The following TIPARP variants were observed in gnomAD, a reference collection of about 807,000 sequenced individuals.
The protein encoded by TIPARP is protein mono-ADP-ribosyltransferase TIPARP.
In TIPARP, 12 loss-of-function variants were observed where a neutral mutation model predicts 56.5. That is an observed-to-expected ratio of 0.21 (90% CI 0.14 to 0.34). TIPARP has a LOEUF of 0.34. Ranked by LOEUF, TIPARP falls within the 10% of genes least tolerant of loss-of-function variation. TIPARP has a pLI of 1.00. For synonymous variants in TIPARP, 296 were observed against 265.7 expected (o/e 1.11, Z -1.11); for missense variants, 604 against 781.6 (o/e 0.77, Z 2.71).
chr3:156,704,759 A>G lies in TIPARP; in HGVS notation c.1602A>G (p.Thr534=), dbSNP rs1722938652. Residue 534 remains threonine (T), a synonymous_variant, in exon 6 of 6, where the codon ACA becomes ACG. Transcript: ENST00000295924. ...IINERHLFHG[T]SQDVVDGICK... ...ATGAGAGACATTTATTTCATGGAAC[A>G]TCCCAGGATGTGGTAGATGGAATCT... 6.2e-7 allele frequency: 1 copy of G among 1,614,248 alleles called. No individual in the cohort carries two copies. Among genetic ancestry groups the G allele is most frequent in the African/African-American group, 1.3e-5 (1 of 75,060 alleles).
chr3:156,690,876 C>T (rs1002597679), intron 2 of TIPARP, among the ~76,000 whole-genome samples: 1 of 152,150 alleles, frequency 6.6e-6, no homozygotes, highest in Non-Finnish European at 1.5e-5. Flanking sequence ...CCCCCAATCT[C>T]TAGCACTGTC....
At chr3:156,687,662 A>G (rs1304291589) in intron 2 of TIPARP, among the ~76,000 whole-genome samples, 1 of 152,176 alleles carries the variant, frequency 6.6e-6, no homozygotes, top group Admixed American at 6.5e-5. Context: ...AGCTCCCCAC[A>G]TGCTTTTGGA....
At chr3:156,689,165 G>A (rs941034894) in intron 2 of TIPARP, among the ~76,000 whole-genome samples, 2 of 152,148 alleles carry the variant, frequency 1.3e-5, no homozygotes, top group Non-Finnish European at 2.9e-5. Context: ...TGAGTTCTAT[G>A]TTTTATTTCT....
intron 2 of TIPARP, among the ~76,000 whole-genome samples, chr3:156,692,088 A>G (rs960076794): frequency 1.3e-5 from 2 of 152,180 alleles, no homozygotes; most frequent in Non-Finnish European, 2.9e-5. Flanking sequence ...ATGTTAACAT[A>G]ATGACTGCTG....
chr3:156,676,005 GAC>G (rs1279249187), intron 1 of TIPARP, among the ~76,000 whole-genome samples: 2 of 152,238 alleles, frequency 1.3e-5, no homozygotes, highest in African/African-American at 4.8e-5. Context: ...TGTACGCGCA[GAC>G]ACACATATAA....
At chr3:156,684,443 G>A (rs1475081226) in intron 2 of TIPARP, among the ~76,000 whole-genome samples, 1 of 152,196 alleles carries the variant, frequency 6.6e-6, no homozygotes, top group Non-Finnish European at 1.5e-5. Context: ...CATTTTAGAT[G>A]TGAAGGAATT....
In TIPARP at chr3:156,705,192, TGAA is replaced by T; in HGVS notation, c.*62_*64del. The T allele has an allele frequency of 4.0e-6, 5 of 1,264,932 alleles. No individual in the cohort carries two copies. The highest frequency in any genetic ancestry group is 2.5e-5 in the East Asian group (1 of 39,900). 78.4% of individuals were successfully genotyped at this position (1,264,932 alleles called of 1,614,324 possible). ...TCAATCCAGCATTTGTAGCAGGTTT[TGAA>T]TGGGTGGGACTGGGTGGGGAACAGC... On this transcript the variant is annotated 3_prime_UTR_variant, in exon 6 of 6. Coordinates refer to ENST00000295924, the MANE Select transcript of TIPARP (RefSeq NM_015508.5).
At chr3:156,702,050 GGTGGTGGTGGTGGTGGTGGTGGTT>G (rs1383092541) in intron 4 of TIPARP, among the ~76,000 whole-genome samples, 28 of 146,714 alleles carry the variant, frequency 1.9e-4, no homozygotes, top group Admixed American at 2.7e-4. Context: ...TGGTGGTGGT[GGTGGTGGTGGTGGTGGTGGTGGTT>G]GTGGTGGTGG....
intron 1 of TIPARP, chr3:156,675,407 A>T (rs1722095929): frequency 6.6e-6 from 1 of 152,258 alleles, no homozygotes; most frequent in Non-Finnish European, 1.5e-5. Context: ...CTGAGGGGGT[A>T]AAGAAGAATT....
chr3:156,678,381 C>T lies in TIPARP; in HGVS notation c.684C>T (p.Asn228=). The change falls in exon 2 of 6, where the codon AAC becomes AAT. Residue 228 remains asparagine (N), a synonymous_variant. Coordinates refer to ENST00000295924, the MANE Select transcript of TIPARP (RefSeq NM_015508.5). ...TTGACCTCGTGTTTGAGCTGGTGAA[C>T]CAGTTGCAGTACCACACTCACCAAG... is the stretch of plus-strand genomic sequence containing the variant. ...ASLDLVFELV[N]QLQYHTHQEN... is the part of the protein sequence containing the mutation. 6.2e-7 allele frequency: 1 copy of T among 1,614,164 alleles called. No homozygotes were observed. Among genetic ancestry groups the T allele is most frequent in the Non-Finnish European group, 8.5e-7 (1 of 1,180,018 alleles).
At position 156,681,038 on chromosome 3, in the gene TIPARP, CA is replaced by C. The variant is rs1480938324; in HGVS notation, c.917+2429del. The C allele has an allele frequency of 9.5e-6, 4 of 420,444 alleles. No homozygotes were observed. The East Asian group carries it at 2.1e-4, about 23-fold the overall frequency. 26.0% of individuals were successfully genotyped at this position (420,444 alleles called of 1,614,324 possible). A position where few individuals can be genotyped will look rare whatever the true frequency, so the allele number is the denominator to read the frequency against. ...TGTAATATAGTAGATAGCTAAGTGT[CA>C]AAAATTAGGCTTTTGGGAAGTTGAC... On this transcript the variant is annotated intron_variant, in intron 2 of 5. Coordinates refer to ENST00000295924, the MANE Select transcript of TIPARP (RefSeq NM_015508.5).
intron 4 of TIPARP, among the ~76,000 whole-genome samples, chr3:156,699,817 G>C (rs901882367): frequency 6.6e-6 from 1 of 152,018 alleles, no homozygotes; most frequent in African/African-American, 2.4e-5. Flanking sequence ...CAGGTATAAA[G>C]TAAGAGATCA....
rs775103356 is a variant in TIPARP, at chr3:156,677,655, A to G, written c.-41-2A>G. ...TGATCATCTTCCTTCCTTTCCTCGT[A>G]GGATTTTTAGACTCTGAGGAGCAGT... On this transcript the variant is annotated splice_acceptor_variant, in intron 1 of 5. Transcript: ENST00000295924. LOFTEE classifies it low-confidence loss of function (5UTR_SPLICE). The G allele has an allele frequency of 6.7e-7, 1 of 1,501,872 alleles. No individual in the cohort carries two copies. Among genetic ancestry groups the G allele is most frequent in the Non-Finnish European group, 8.9e-7 (1 of 1,124,786 alleles). The allele number at this position is 1,501,872 out of a possible 1,614,324, so 93.0% of individuals were successfully genotyped here. A position where few individuals can be genotyped will look rare whatever the true frequency, so the allele number is the denominator to read the frequency against.
At chr3:156,679,932 T>C (rs192450387) in intron 2 of TIPARP, among the ~76,000 whole-genome samples, 1 of 152,204 alleles carries the variant, frequency 6.6e-6, no homozygotes, top group Non-Finnish European at 1.5e-5. Context: ...TTTTTTTGTT[T>C]GTTTGTTTTT....
chr3:156,681,383 T>A (rs533196509), intron 2 of TIPARP, among the ~76,000 whole-genome samples: 2 of 152,326 alleles, frequency 1.3e-5, no homozygotes, highest in South Asian at 2.1e-4. Flanking sequence ...TTTTCAGTAG[T>A]TTATATGGCT....
chr3:156,694,984 A>C (rs1722673929), intron 3 of TIPARP, among the ~76,000 whole-genome samples: 1 of 152,204 alleles, frequency 6.6e-6, no homozygotes, highest in South Asian at 2.1e-4. Context: ...AAACTAAGTA[A>C]GTTTAAGTAA....
At position 156,678,579 on chromosome 3, in the gene TIPARP, T is replaced by C; in HGVS notation, c.882T>C (p.Cys294=). The C allele has an allele frequency of 1.2e-6, 2 of 1,614,006 alleles. No individual in the cohort carries two copies. Among genetic ancestry groups the C allele is most frequent in the Non-Finnish European group, 1.7e-6 (2 of 1,179,952 alleles). Residue 294 remains cysteine, a synonymous_variant, in exon 2 of 6, where the codon TGT becomes TGC. Coordinates refer to ENST00000295924, the MANE Select transcript of TIPARP (RefSeq NM_015508.5). The part of the protein sequence containing the change: ...DSQEHLERFY[C]NPENDRMRMK... ...AGGAGCACTTGGAAAGATTTTACTG[T>C]AACCCAGAAAATGATAGAATGAGAA...
intron 2 of TIPARP, among the ~76,000 whole-genome samples, chr3:156,691,757 C>G (rs947208174): frequency 3.3e-5 from 5 of 152,034 alleles, no homozygotes; most frequent in African/African-American, 1.2e-4. Context: ...TAATGTTTTT[C>G]AAATTTATGA....
chr3:156,680,748 C>T (rs1449156195), intron 2 of TIPARP, among the ~76,000 whole-genome samples: 1 of 152,156 alleles, frequency 6.6e-6, no homozygotes, highest in Non-Finnish European at 1.5e-5. Flanking sequence ...TAAGAATAGA[C>T]ATAGATATAG....
Sources: allele counts gnomAD v4.1 joint callset (sites outside exome capture counted in the v4.1 genomes callset), GRCh38; gene constraint gnomAD v4.1.1; transcripts MANE v1.5; gene names NCBI Gene and HGNC (gene_info 2026-07-23, HGNC 2026-07-21).